MAN1A2: variants seen among roughly 807,000 people sequenced by gnomAD.
MAN1A2 encodes the protein mannosyl-oligosaccharide 1,2-alpha-mannosidase IB.
MAN1A2 carries 26 observed loss-of-function variants against 75.7 expected under a neutral mutation model. The observed-to-expected ratio is 0.34, with a 90% confidence interval of 0.25 to 0.48. The LOEUF is 0.48. Among genes scored for constraint, MAN1A2 ranks in the 20% least tolerant of loss-of-function variants. The pLI, the probability that MAN1A2 is intolerant of heterozygous loss-of-function variation, is 0.99. For synonymous variants in MAN1A2, 247 were observed against 264.6 expected (o/e 0.93, Z 0.65); for missense variants, 562 against 775.5 (o/e 0.72, Z 3.27).
At chr1:117,447,448 T>C (rs1416940315) in intron 6 of MAN1A2, among the ~76,000 whole-genome samples, 1 of 152,134 alleles carries the variant, frequency 6.6e-6, no homozygotes, top group Non-Finnish European at 1.5e-5. Flanking sequence ...TGTGTGTGTA[T>C]GTGTACATAG....
At chr1:117,474,398 T>TC (rs397802194) in intron 8 of MAN1A2, among the ~76,000 whole-genome samples, 5 of 151,356 alleles carry the variant, frequency 3.3e-5, no homozygotes, top group Non-Finnish European at 7.4e-5. Context: ...TTTTTTTTTT[T>TC]ACTTTGATCA....
At chr1:117,466,287 A>G (rs1198225385) in intron 7 of MAN1A2, 47 bp from the exon 8 acceptor site, 1 of 1,252,352 alleles carries the variant, frequency 8.0e-7, no homozygotes, top group East Asian at 2.4e-5. Flanking sequence ...CCAAGCCTTG[A>G]TGACACTTAT....
At chr1:117,459,867 C>G (rs1320652867) in intron 6 of MAN1A2, among the ~76,000 whole-genome samples, 1 of 152,070 alleles carries the variant, frequency 6.6e-6, no homozygotes, top group African/African-American at 2.4e-5. Flanking sequence ...TCGTTTGGTG[C>G]AAGCCAGTTC....
intron 6 of MAN1A2, among the ~76,000 whole-genome samples, chr1:117,458,506 T>TGTATAG (rs1649682922): frequency 2.0e-5 from 2 of 100,828 alleles, no homozygotes; most frequent in African/African-American, 3.9e-5. Context: ...TCTATATATA[T>TGTATAG]ATATAGATAT....
chr1:117,495,832 A>C (rs906766934), intron 9 of MAN1A2, among the ~76,000 whole-genome samples: 2 of 151,974 alleles, frequency 1.3e-5, no homozygotes, highest in African/African-American at 2.4e-5. Context: ...TGGTTAAAAC[A>C]ATGACAAAAA....
At chr1:117,422,533 CTG>C (rs1201423089) in intron 5 of MAN1A2, among the ~76,000 whole-genome samples, 2 of 152,000 alleles carry the variant, frequency 1.3e-5, no homozygotes, top group African/African-American at 2.4e-5. Context: ...TTGGAAGAAA[CTG>C]TCAGATTCTT....
chr1:117,421,525 C>A lies in MAN1A2; in HGVS notation c.855+876C>A, dbSNP rs997292324. Among the ~76,000 whole-genome samples the A allele has an allele frequency of 8.6e-5, 13 of 151,500 alleles. 1 individual carries two copies. Among genetic ancestry groups the A allele is most frequent in the African/African-American group, 3.1e-4 (13 of 41,276 alleles). On this transcript the variant is annotated intron_variant, in intron 5 of 12. Transcript: ENST00000356554. ...TCTGTGTTATTACAAAACAAAAATT[C>A]CCATTTTCGTATGGATTTTTATGAC...
In MAN1A2 at chr1:117,407,465, C is replaced by A. The variant is rs568933976; in HGVS notation, c.655+1820C>A. On this transcript the variant is annotated intron_variant, in intron 3 of 12. Transcript: ENST00000356554. ...GTTCTCAGTGTCTCATTTGACATCT[C>A]AAATTTAGTATGCCTTTACAGAATA... 3.9e-5 allele frequency among the ~76,000 whole-genome samples: 6 copies of A among 152,110 alleles called. No homozygotes were observed. In the East Asian group the frequency reaches 1.2e-3, roughly 29 times the overall value.
chr1:117,389,274 A>G (rs1007426804), intron 1 of MAN1A2, among the ~76,000 whole-genome samples: 2 of 152,200 alleles, frequency 1.3e-5, no homozygotes, highest in African/African-American at 2.4e-5. Flanking sequence ...TTTTGGGACC[A>G]GGGACTGGTT....
intron 1 of MAN1A2, among the ~76,000 whole-genome samples, chr1:117,383,611 T>A (rs1038455783): frequency 2.0e-5 from 3 of 152,244 alleles, no homozygotes; most frequent in Non-Finnish European, 4.4e-5. Context: ...GGGTGGTTTT[T>A]GCTTCTTGAT....
Position 117,475,669 on chromosome 1 carries a change from C to T in MAN1A2, c.1168+9242C>T, listed in dbSNP as rs149154089. 4.4e-4 allele frequency among the ~76,000 whole-genome samples: 67 copies of T among 152,182 alleles called. 1 individual carries two copies. The highest frequency in any genetic ancestry group is 1.5e-3 in the Admixed American group (23 of 15,272). The stretch of plus-strand genomic sequence containing the variant: ...TGAGAATGATGGTTTCCAGCTTCAA[C>T]CATGTCCCTGCAAAGGACATGAACT... On this transcript the variant is annotated intron_variant, in intron 8 of 12. Transcript: ENST00000356554.
Position 117,460,525 on chromosome 1 carries a change from TAGC to T in MAN1A2, c.992_994del (p.Ser331del). ...GAAACTGGGGCTGGGCATCTGCAGG[TAGC>T]AGCATTCTGGCTGAATTTGGTACAC... On this transcript the variant is annotated inframe_deletion, in exon 7 of 13. Coordinates refer to ENST00000356554, the MANE Select transcript of MAN1A2 (RefSeq NM_006699.5). 1 of 1,612,942 alleles carries T rather than the reference TAGC, an allele frequency of 6.2e-7. No individual in the cohort carries two copies. The highest frequency in any genetic ancestry group is 2.2e-5 in the East Asian group (1 of 44,780).
At chr1:117,460,647 TAAAG>T in intron 7 of MAN1A2, 35 bp downstream of exon 7, 1 of 1,563,164 alleles carries the variant, frequency 6.4e-7, no homozygotes, top group African/African-American at 1.4e-5. Context: ...TTGTTTGTTA[TAAAG>T]AGTCCTTTAA....
At chr1:117,472,339 A>T (rs1463637735) in intron 8 of MAN1A2, among the ~76,000 whole-genome samples, 2 of 152,038 alleles carry the variant, frequency 1.3e-5, no homozygotes, top group Non-Finnish European at 2.9e-5. Context: ...ATATATATAA[A>T]TACCCATTAA....
At chr1:117,521,194 A>C (rs747143514) in intron 12 of MAN1A2, among the ~76,000 whole-genome samples, 2 of 152,016 alleles carry the variant, frequency 1.3e-5, no homozygotes, top group Non-Finnish European at 2.9e-5. Context: ...CAGACCTGAA[A>C]CTATAAAAAT....
At chr1:117,383,956 T>G (rs983748731) in intron 1 of MAN1A2, among the ~76,000 whole-genome samples, 8 of 152,164 alleles carry the variant, frequency 5.3e-5, no homozygotes, top group African/African-American at 1.9e-4. Flanking sequence ...TTTATTTCTG[T>G]AAGGTCAGCT....
At position 117,499,469 on chromosome 1, in the gene MAN1A2, G is replaced by T; in HGVS notation, c.1592G>T (p.Arg531Leu). 6.2e-7 allele frequency: 1 copy of T among 1,608,442 alleles called. No homozygotes were observed. The highest frequency in any genetic ancestry group is 8.5e-7 in the Non-Finnish European group (1 of 1,177,310). The change falls in exon 11 of 13, where the codon CGT becomes CTT. Residue 531 changes from arginine to leucine, a missense_variant. Coordinates refer to ENST00000356554, the MANE Select transcript of MAN1A2 (RefSeq NM_006699.5). The stretch of plus-strand genomic sequence containing the variant: ...CAGGCTGAAAAGTATTATATCCTCC[G>T]TCCAGAAGTAATTGAAACCTATTGG... Reference protein sequence around the residue: ...VRQAEKYYILRPEVIETYWYL... With the variant: ...VRQAEKYYILLPEVIETYWYL...
At chr1:117,399,620 T>C (rs918912772) in intron 1 of MAN1A2, among the ~76,000 whole-genome samples, 7 of 152,174 alleles carry the variant, frequency 4.6e-5, no homozygotes, top group African/African-American at 1.7e-4. Context: ...GCCGTGGTGG[T>C]AACTCATGAT....
intron 1 of MAN1A2, among the ~76,000 whole-genome samples, chr1:117,380,950 G>C (rs1163401068): frequency 1.3e-5 from 2 of 152,052 alleles, no homozygotes; most frequent in African/African-American, 2.4e-5. Context: ...GATTGTTTTG[G>C]TATTATTATC....
Sources: allele counts gnomAD v4.1 joint callset (sites outside exome capture counted in the v4.1 genomes callset), GRCh38; gene constraint gnomAD v4.1.1; transcripts MANE v1.5; gene names NCBI Gene and HGNC (gene_info 2026-07-23, HGNC 2026-07-21).